Variants in GYPC observed in about 807,000 individuals in gnomAD.
GYPC encodes the protein glycophorin C (Gerbich blood group), also known as glycophorin-C.
GYPC carries 14 observed loss-of-function variants against 12.6 expected under a neutral mutation model. The ratio of observed to expected loss-of-function variants is 1.11; its 90% CI spans 0.74 to 1.74. The LOEUF is 1.74. Ranked by LOEUF, GYPC falls within the 40% of genes most tolerant of loss-of-function variation. The pLI, the probability that GYPC is intolerant of heterozygous loss-of-function variation, is 0.00. For missense variants in GYPC, 225 were observed against 172.1 expected (o/e 1.31, Z -1.72); for synonymous variants, 78 against 62.1 (o/e 1.26, Z -1.20).
At chr2:126,671,041 C>T (rs1193344965) in intron 1 of GYPC, among the ~76,000 whole-genome samples, 1 of 152,178 alleles carries the variant, frequency 6.6e-6, no homozygotes, top group African/African-American at 2.4e-5. Context: ...CCCATTGCAC[C>T]TCAACCCCGT....
At position 126,658,342 on chromosome 2, in the gene GYPC, C is replaced by A. The variant is rs187671167; in HGVS notation, c.49+2030C>A. ...CAAGTATTTCTGGGGACTTGCAGAG[C>A]TCCCTGGGGAGCAAAGGGTTGTGAA... On this transcript the variant is annotated intron_variant, in intron 1 of 3. Coordinates refer to ENST00000259254, the MANE Select transcript of GYPC (RefSeq NM_002101.5). 17 of 152,362 alleles carry A rather than the reference C, an allele frequency of 1.1e-4. No individual in the cohort carries two copies. The East Asian group carries it at 3.3e-3, about 29-fold the overall frequency. 9.4% of individuals were successfully genotyped at this position (152,362 alleles called of 1,614,324 possible).
intron 1 of GYPC, among the ~76,000 whole-genome samples, chr2:126,689,978 T>G (rs984179885): frequency 6.6e-6 from 1 of 151,618 alleles, no homozygotes; most frequent in Non-Finnish European, 1.5e-5. Context: ...CAGGCACCAC[T>G]CTCAGTGGAG....
At position 126,669,881 on chromosome 2, in the gene GYPC, G is replaced by C. The variant is rs1351724467; in HGVS notation, c.49+13569G>C. 3.9e-5 allele frequency among the ~76,000 whole-genome samples: 6 copies of C among 151,998 alleles called. No individual in the cohort carries two copies. The South Asian group carries it at 1.2e-3, about 32-fold the overall frequency. On this transcript the variant is annotated intron_variant, in intron 1 of 3. Coordinates refer to ENST00000259254, the MANE Select transcript of GYPC (RefSeq NM_002101.5). The stretch of plus-strand genomic sequence containing the variant: ...CCTAATCTCTTCTGTTTCCAGGGTG[G>C]TGCTTTTGGTAAAAGCCTTCTCTGA...
At chr2:126,680,629 G>A (rs1683126300) in intron 1 of GYPC, among the ~76,000 whole-genome samples, 1 of 152,194 alleles carries the variant, frequency 6.6e-6, no homozygotes, top group African/African-American at 2.4e-5. Context: ...ACCTGCAGAA[G>A]CAAGGGACTG....
chr2:126,661,951 C>T (rs1316201820), intron 1 of GYPC, among the ~76,000 whole-genome samples: 3 of 152,228 alleles, frequency 2.0e-5, no homozygotes, highest in African/African-American at 4.8e-5. Context: ...TGTTTATCTG[C>T]ACTTTGCACA....
At chr2:126,692,997 A>AT (rs1212423335) in intron 2 of GYPC, among the ~76,000 whole-genome samples, 3 of 152,200 alleles carry the variant, frequency 2.0e-5, no homozygotes, top group African/African-American at 7.2e-5. Flanking sequence ...TGAAGACTGC[A>AT]TGATAGAGTA....
At chr2:126,678,255 A>AAAGG (rs1229908272) in intron 1 of GYPC, 5 of 152,188 alleles carry the variant, frequency 3.3e-5, no homozygotes, top group African/African-American at 9.7e-5. Context: ...GGAAAGAAAG[A>AAAGG]AAAGAAAAGA....
At position 126,675,568 on chromosome 2, in the gene GYPC, C is replaced by T. The variant is rs549866675; in HGVS notation, c.50-14687C>T. ...TGTCATCCTGATTCTTTCTCAGTAGCTTCAAAGTGCTATTCTAAACAATGG... is the reference window on the plus strand; with the variant it reads ...TGTCATCCTGATTCTTTCTCAGTAGTTTCAAAGTGCTATTCTAAACAATGG... On this transcript the variant is annotated intron_variant, in intron 1 of 3. Coordinates refer to ENST00000259254, the MANE Select transcript of GYPC (RefSeq NM_002101.5). The T allele has an allele frequency of 1.0e-5, 3 of 298,124 alleles. No individual in the cohort carries two copies. The South Asian group carries it at 4.0e-4, about 39-fold the overall frequency. The allele number at this position is 298,124 out of a possible 1,614,324, so 18.5% of individuals were successfully genotyped here.
intron 1 of GYPC, chr2:126,686,584 G>C (rs1352163279): frequency 5.1e-6 from 5 of 981,554 alleles, no homozygotes; most frequent in Non-Finnish European, 6.1e-6. Context: ...CAGGCACCCA[G>C]TCTAATGCTG....
intron 1 of GYPC, among the ~76,000 whole-genome samples, chr2:126,663,189 C>T (rs2104771279): frequency 6.6e-6 from 1 of 152,342 alleles, no homozygotes; most frequent in South Asian, 2.1e-4. Flanking sequence ...AGACATGTGC[C>T]ACCACGCCCA....
At chr2:126,693,729 C>T (rs1683544730) in intron 2 of GYPC, 135 bp from the exon 3 acceptor site, 3 of 742,664 alleles carry the variant, frequency 4.0e-6, no homozygotes, top group Middle Eastern at 2.5e-4. Context: ...AGTGGGTGCG[C>T]CGCACTGCTC....
At chr2:126,668,665 C>T (rs1682752949) in intron 1 of GYPC, among the ~76,000 whole-genome samples, 3 of 152,188 alleles carry the variant, frequency 2.0e-5, no homozygotes, top group Admixed American at 2.0e-4. Context: ...AGACTGGATA[C>T]AAAATTGGAT....
Position 126,696,054 on chromosome 2 carries a change from A to G in GYPC, c.299A>G (p.Glu100Gly). The G allele has an allele frequency of 6.2e-7, 1 of 1,614,106 alleles. No homozygotes were observed. Among genetic ancestry groups the G allele is most frequent in the South Asian group, 1.1e-5 (1 of 91,082 alleles). Residue 100 changes from glutamate to glycine, a missense_variant, in exon 4 of 4, where the codon GAG becomes GGG. Coordinates refer to ENST00000259254, the MANE Select transcript of GYPC (RefSeq NM_002101.5). The stretch of plus-strand genomic sequence containing the variant: ...CACACCAATGAGGCCAAGGGCACGG[A>G]GTTTGCTGAGAGTGCAGATGCAGCC... ...TYHTNEAKGTEFAESADAALQ... is the reference protein window; with the variant it reads ...TYHTNEAKGTGFAESADAALQ...
At position 126,696,666 on chromosome 2, in the gene GYPC, G is replaced by A. The variant is rs868222611; in HGVS notation, c.*524G>A. On this transcript the variant is annotated 3_prime_UTR_variant, in exon 4 of 4. Coordinates refer to ENST00000259254, the MANE Select transcript of GYPC (RefSeq NM_002101.5). ...TTGGAAATAAATTTGAAATGTAACC[G>A]AGCATTCCGAGTCCAACAGTATTAC... is the stretch of plus-strand genomic sequence containing the variant. 7 of 224,272 alleles carry A rather than the reference G, an allele frequency of 3.1e-5. No individual in the cohort carries two copies. The highest frequency in any genetic ancestry group is 1.4e-4 in the South Asian group (2 of 14,282). The allele number at this position is 224,272 out of a possible 1,614,324, so 13.9% of individuals were successfully genotyped here.
In GYPC at chr2:126,656,207, C is replaced by T. The variant is rs911723522; in HGVS notation, c.-57C>T. On this transcript the variant is annotated 5_prime_UTR_variant, in exon 1 of 4. Transcript: ENST00000259254. ...CCCGGGAGCGCGACCCTCCCCCGGC[C>T]CGGCCTGGCCCGGCCTGGCCAGTCC... 14 of 1,552,184 alleles carry T rather than the reference C, an allele frequency of 9.0e-6. No individual in the cohort carries two copies. The highest frequency in any genetic ancestry group is 1.1e-5 in the Non-Finnish European group (13 of 1,151,152).
intron 1 of GYPC, among the ~76,000 whole-genome samples, chr2:126,688,947 G>A (rs1297833916): frequency 1.3e-5 from 2 of 152,168 alleles, no homozygotes; most frequent in Non-Finnish European, 2.9e-5. Context: ...GATTTCCTAT[G>A]TTAATGCTGA....
At chr2:126,681,778 CAAAA>C (rs55636033) in intron 1 of GYPC, among the ~76,000 whole-genome samples, 3 of 132,342 alleles carry the variant, frequency 2.3e-5, no homozygotes, top group East Asian at 2.2e-4. Context: ...AAACTTCATC[CAAAA>C]AAAAAAAAAA....
chr2:126,656,550 C>T (rs1277974587), intron 1 of GYPC, among the ~76,000 whole-genome samples: 5 of 152,262 alleles, frequency 3.3e-5, no homozygotes, highest in African/African-American at 1.2e-4. Context: ...CCACGCGCTC[C>T]GAGCTGGAGA....
At chr2:126,673,009 C>A (rs1347178445) in intron 1 of GYPC, among the ~76,000 whole-genome samples, 1 of 152,070 alleles carries the variant, frequency 6.6e-6, no homozygotes, top group African/African-American at 2.4e-5. Context: ...GTAACTCACC[C>A]AGAAGGCAAG....
Sources: gnomAD v4.1 joint callset for allele counts (sites outside exome capture counted in the v4.1 genomes callset) on GRCh38, gnomAD v4.1.1 for gene constraint, MANE v1.5 for transcripts, NCBI Gene and HGNC (gene_info 2026-07-23, HGNC 2026-07-21) for gene names.